The following GAD1 variants were observed in gnomAD, a reference collection of about 807,000 sequenced individuals.
GAD1 encodes the protein glutamate decarboxylase 1, also known as 67 kDa glutamic acid decarboxylase.
GAD1 carries 35 observed loss-of-function variants against 75.2 expected under a neutral mutation model. The ratio of observed to expected loss-of-function variants is 0.47; its 90% CI spans 0.36 to 0.62. The LOEUF (loss-of-function observed/expected upper bound fraction) is 0.62, where lower values mean the gene tolerates loss of function less well. Ranked by LOEUF, GAD1 falls within the 20% of genes least tolerant of loss-of-function variation. GAD1 has a pLI of 0.00. For synonymous variants in GAD1, 257 were observed against 271.9 expected (o/e 0.95, Z 0.54); for missense variants, 490 against 758.5 (o/e 0.65, Z 4.16).
intron 1 of GAD1, chr2:170,817,780 A>G (rs531239291): frequency 2.0e-5 from 3 of 152,522 alleles, no homozygotes; most frequent in Admixed American, 6.5e-5. Flanking sequence ...GGTAGAGGAG[A>G]AACGCTGAAA....
intron 3 of GAD1, among the ~76,000 whole-genome samples, chr2:170,824,249 T>C (rs1418835477): frequency 6.6e-6 from 1 of 152,206 alleles, no homozygotes; most frequent in African/African-American, 2.4e-5. Flanking sequence ...TAGGTTTGAT[T>C]GTGAAAGAAA....
chr2:170,846,962 C>T (rs1702646817), intron 10 of GAD1, among the ~76,000 whole-genome samples: 1 of 152,192 alleles, frequency 6.6e-6, no homozygotes, highest in South Asian at 2.1e-4. Context: ...CATGATCGTG[C>T]CAATGCACTC....
At chr2:170,822,440 C>T (rs1219065228) in intron 3 of GAD1, among the ~76,000 whole-genome samples, 1 of 152,234 alleles carries the variant, frequency 6.6e-6, no homozygotes, top group Non-Finnish European at 1.5e-5. Flanking sequence ...GGAAAGCGCC[C>T]CCGCGCGGCA....
chr2:170,831,132 G>A lies in GAD1; in HGVS notation c.487G>A (p.Glu163Lys), dbSNP rs868362629. ...GFNLELSDHP[E>K]SLEQILVDCR... is the part of the protein sequence containing the mutation. ...CAACTTGGAGCTCTCTGACCACCCC[G>A]AGTCCCTGGAGCAGATCCTGGTTGA... The change falls in exon 5 of 17, where the codon GAG becomes AAG. Residue 163 changes from glutamate (E) to lysine (K), a missense_variant. Glu to Lys is a moderately conservative substitution (Grantham distance 56). Around this residue, in one of 3 missense-constraint regions of GAD1, gnomAD observed 165 missense variants for 216.4 expected, o/e 0.76. Coordinates refer to ENST00000358196, the MANE Select transcript of GAD1 (RefSeq NM_000817.3). The A allele has an allele frequency of 6.2e-7, 1 of 1,614,154 alleles. No homozygotes were observed. The highest frequency in any genetic ancestry group is 8.5e-7 in the Non-Finnish European group (1 of 1,180,020).
chr2:170,845,287 T>C (rs986354766), intron 7 of GAD1: 4 of 607,534 alleles, frequency 6.6e-6, no homozygotes, highest in African/African-American at 1.8e-5. Flanking sequence ...TCCAGCCAAA[T>C]TGCCTAGATA....
At chr2:170,834,959 AT>A (rs1251393832) in intron 5 of GAD1, among the ~76,000 whole-genome samples, 6 of 151,842 alleles carry the variant, frequency 4.0e-5, no homozygotes, top group African/African-American at 1.2e-4. Context: ...TTTAGTAGAG[AT>A]GGGGTTTCAC....
chr2:170,850,441 A>G (rs1309486415), intron 12 of GAD1, among the ~76,000 whole-genome samples: 1 of 152,214 alleles, frequency 6.6e-6, no homozygotes, highest in African/African-American at 2.4e-5. Flanking sequence ...GCGAGTGGCA[A>G]GTGCAAAGGC....
intron 5 of GAD1, among the ~76,000 whole-genome samples, chr2:170,832,672 A>G (rs949658995): frequency 0.065 from 6,513 of 100,386 alleles, 466 homozygotes; most frequent in African/African-American, 0.17. Flanking sequence ...GCGCACACAC[A>G]CACACACACA....
Position 170,844,308 on chromosome 2 carries a change from A to G in GAD1, c.751+151A>G, listed in dbSNP as rs1340246157. ...AGATGAAGGCTAACAAAAATGCTAC[A>G]TTCTATATGAATTAACTAACAAAGG... is the stretch of plus-strand genomic sequence containing the variant. On this transcript the variant is annotated intron_variant, in intron 7 of 16. Coordinates refer to ENST00000358196, the MANE Select transcript of GAD1 (RefSeq NM_000817.3). The G allele has an allele frequency of 5.3e-5, 35 of 666,540 alleles. No homozygotes were observed. The South Asian group carries it at 5.6e-4, about 11-fold the overall frequency. 41.3% of individuals were successfully genotyped at this position (666,540 alleles called of 1,614,324 possible).
intron 14 of GAD1, 95 bp downstream of exon 14, chr2:170,854,117 T>A: frequency 8.1e-7 from 1 of 1,242,232 alleles, no homozygotes; most frequent in Non-Finnish European, 1.2e-6. Context: ...GATAATTCAC[T>A]ATATGGGGAA....
At chr2:170,814,699 G>T (rs568035851), upstream of GAD1, among the ~76,000 whole-genome samples, 357 of 152,270 alleles carry the variant, frequency 2.3e-3, 1 homozygote, top group Non-Finnish European at 4.1e-3. Context: ...ACGGACAAAA[G>T]TCTTCATTCC....
At chr2:170,820,042 C>A (rs1701824312) in intron 2 of GAD1, among the ~76,000 whole-genome samples, 1 of 152,228 alleles carries the variant, frequency 6.6e-6, no homozygotes. Flanking sequence ...GAACCAGGCA[C>A]CGGCGTTGGA....
chr2:170,844,020 A>T, intron 6 of GAD1, 25 bp from the exon 7 acceptor site: 1 of 1,252,012 alleles, frequency 8.0e-7, no homozygotes, highest in Non-Finnish European at 1.2e-6. Context: ...ATTTTCTTTC[A>T]TCCTTCTTCT....
chr2:170,854,706 C>T (rs1309038627), intron 14 of GAD1, among the ~76,000 whole-genome samples: 2 of 152,136 alleles, frequency 1.3e-5, no homozygotes, highest in African/African-American at 4.8e-5. Flanking sequence ...CGCCCGGCCC[C>T]TTGAATTCTT....
intron 5 of GAD1, among the ~76,000 whole-genome samples, chr2:170,834,946 T>G (rs1260731143): frequency 6.6e-6 from 1 of 151,788 alleles, no homozygotes; most frequent in Non-Finnish European, 1.5e-5. Flanking sequence ...ATTTTTGTAT[T>G]TTTTTAGTAG....
intron 9 of GAD1, 77 bp from the exon 10 acceptor site, chr2:170,845,932 G>A (rs113308404): frequency 6.7e-7 from 1 of 1,501,330 alleles, no homozygotes; most frequent in Non-Finnish European, 9.3e-7. Flanking sequence ...ATTGCTTTTT[G>A]CTGCTGCTAA....
intron 3 of GAD1, among the ~76,000 whole-genome samples, chr2:170,826,458 C>T (rs1402741850): frequency 1.3e-5 from 2 of 151,036 alleles, no homozygotes; most frequent in Non-Finnish European, 2.9e-5. Context: ...ATCCCAACTA[C>T]TTGGGAGGCT....
intron 3 of GAD1, 86 bp from the exon 4 acceptor site, chr2:170,829,389 G>A: frequency 6.9e-7 from 1 of 1,442,408 alleles, no homozygotes; most frequent in East Asian, 2.3e-5. Context: ...CAAGAGCCCT[G>A]CTTGGAGAGT....
intron 12 of GAD1, among the ~76,000 whole-genome samples, chr2:170,851,161 C>G (rs999452887): frequency 6.6e-6 from 1 of 152,210 alleles, no homozygotes; most frequent in Non-Finnish European, 1.5e-5. Context: ...TTTTAAATCA[C>G]ATAAGTCTTC....
Sources: allele counts gnomAD v4.1 joint callset (sites outside exome capture counted in the v4.1 genomes callset), GRCh38; gene constraint gnomAD v4.1.1; regional missense constraint gnomAD v4.1.1; transcripts MANE v1.5; gene names NCBI Gene and HGNC (gene_info 2026-07-23, HGNC 2026-07-21).